PGM5: variants seen among roughly 807,000 people sequenced by gnomAD.
The protein encoded by PGM5 is phosphoglucomutase-like protein 5.
PGM5 carries 23 observed loss-of-function variants against 59.2 expected under a neutral mutation model. The ratio of observed to expected loss-of-function variants is 0.39; its 90% CI spans 0.28 to 0.55. PGM5 has a LOEUF of 0.55. Ranked by LOEUF, PGM5 falls within the 20% of genes least tolerant of loss-of-function variation. The pLI is 0.66. For synonymous variants in PGM5, 214 were observed against 286.0 expected (o/e 0.75, Z 2.54); for missense variants, 574 against 748.3 (o/e 0.77, Z 2.72).
At chr9:68,367,192 C>CT (rs201979587) in intron 1 of PGM5, among the ~76,000 whole-genome samples, 7,779 of 151,774 alleles carry the variant, frequency 0.051, 224 homozygotes, top group African/African-American at 0.072. Context: ...ACATAAAGGA[C>CT]TTTTTTGGTG....
rs551189786 is a variant in PGM5 at position 68,371,123 on chromosome 9, C to A, written c.262-7076C>A. 2.6e-5 allele frequency among the ~76,000 whole-genome samples: 4 copies of A among 152,246 alleles called. No homozygotes were observed. The East Asian group carries it at 5.8e-4, about 22-fold the overall frequency. ...TTCCGCGTGGGAGTTGAAGGAAATG[C>A]CCCTTAATGGCAGTAGCATCCACTT... On this transcript the variant is annotated intron_variant, in intron 1 of 10. Transcript: ENST00000396396.
At chr9:68,459,189 T>A (rs1554685186) in intron 6 of PGM5, among the ~76,000 whole-genome samples, 1 of 152,226 alleles carries the variant, frequency 6.6e-6, no homozygotes, top group Non-Finnish European at 1.5e-5. Context: ...GAGAGCTTTT[T>A]CTTTTAAATA....
At chr9:68,392,059 GAGAA>G (rs1346401928) in intron 5 of PGM5, among the ~76,000 whole-genome samples, 3 of 152,034 alleles carry the variant, frequency 2.0e-5, no homozygotes, top group East Asian at 3.9e-4. Flanking sequence ...TTATGTTTGG[GAGAA>G]AGAAAGAGTT....
At chr9:68,497,628 T>C (rs7875245) in intron 9 of PGM5, 2 of 152,084 alleles carry the variant, frequency 1.3e-5, no homozygotes, top group Admixed American at 1.3e-4. Flanking sequence ...ATATTTTTAC[T>C]AATGGCTTAT....
At chr9:68,492,034 G>A (rs1380534837) in intron 9 of PGM5, among the ~76,000 whole-genome samples, 1 of 152,190 alleles carries the variant, frequency 6.6e-6, no homozygotes, top group Non-Finnish European at 1.5e-5. Context: ...TAGCAAGCGT[G>A]TAAGCATTAT....
In PGM5 at chr9:68,384,494, G is replaced by A. The variant is rs143638400; in HGVS notation, c.521G>A (p.Arg174Gln). 3.8e-5 allele frequency: 61 copies of A among 1,610,420 alleles called. No homozygotes were observed. In the African/African-American group the frequency reaches 3.9e-4, roughly 10 times the overall value. Residue 174 changes from arginine (R) to glutamine (Q), a missense_variant, in exon 3 of 11, where the codon CGA becomes CAA. Arg to Gln is a conservative substitution (Grantham distance 43). Transcript: ENST00000396396. ...CCTGATCTCCGAATCGACCTATCTC[G>A]ACTAGGAAGACAAGAATTTGACCTA... ...ICPDLRIDLS[R>Q]LGRQEFDLEN...
intron 1 of PGM5, among the ~76,000 whole-genome samples, chr9:68,368,453 A>G (rs1834722735): frequency 6.6e-6 from 1 of 151,832 alleles, no homozygotes; most frequent in Admixed American, 6.6e-5. Context: ...ACAGATGGGG[A>G]CAATCAAAGA....
intron 6 of PGM5, among the ~76,000 whole-genome samples, chr9:68,459,060 G>A (rs1260284349): frequency 6.6e-6 from 1 of 152,126 alleles, no homozygotes; most frequent in Non-Finnish European, 1.5e-5. Flanking sequence ...TGTGTTTAAT[G>A]TCTGTTAGAC....
chr9:68,383,666 T>A (rs138979208), intron 2 of PGM5, among the ~76,000 whole-genome samples: 7,620 of 145,074 alleles, frequency 0.053, 367 homozygotes, highest in African/African-American at 0.18. Context: ...GATCTTTCAA[T>A]CTACTTATTT....
chr9:68,373,822 G>A (rs1821803885), intron 1 of PGM5, among the ~76,000 whole-genome samples: 1 of 152,208 alleles, frequency 6.6e-6, no homozygotes, highest in South Asian at 2.1e-4. Flanking sequence ...ATGGGATGGG[G>A]ACCCAGTTTC....
intron 6 of PGM5, chr9:68,399,067 G>A (rs1468038185): frequency 2.0e-5 from 3 of 152,246 alleles, no homozygotes; most frequent in African/African-American, 7.2e-5. Context: ...ATAAGAGATT[G>A]TATTTGATTT....
intron 6 of PGM5, among the ~76,000 whole-genome samples, 164 bp downstream of exon 6, chr9:68,392,637 C>T (rs1371628887): frequency 6.6e-6 from 1 of 152,084 alleles, no homozygotes; most frequent in Non-Finnish European, 1.5e-5. Flanking sequence ...ATCAGGTGGC[C>T]TGAGCTTAAT....
At chr9:68,480,924 A>G (rs1824187306) in intron 8 of PGM5, among the ~76,000 whole-genome samples, 1 of 152,160 alleles carries the variant, frequency 6.6e-6, no homozygotes, top group South Asian at 2.1e-4. Context: ...TGTGTACATA[A>G]CAAGAACGAA....
chr9:68,433,775 C>A (rs1421452066), intron 6 of PGM5, among the ~76,000 whole-genome samples: 1 of 152,200 alleles, frequency 6.6e-6, no homozygotes, highest in Non-Finnish European at 1.5e-5. Context: ...GTTTTGTTCA[C>A]TGAACCTTGT....
chr9:68,500,914 A>G (rs958182095), intron 10 of PGM5, among the ~76,000 whole-genome samples: 1 of 151,760 alleles, frequency 6.6e-6, no homozygotes, highest in Non-Finnish European at 1.5e-5. Flanking sequence ...CAACAATCCT[A>G]TACACACAAG....
At chr9:68,423,641 C>CTCTCTG (rs1554682502) in intron 6 of PGM5, among the ~76,000 whole-genome samples, 1 of 99,306 alleles carries the variant, frequency 1.0e-5, no homozygotes, top group African/African-American at 3.3e-5. Context: ...CTCTCTCTCT[C>CTCTCTG]TCTCTCTCTC....
At chr9:68,377,353 G>A (rs1392293805) in intron 1 of PGM5, among the ~76,000 whole-genome samples, 1 of 152,164 alleles carries the variant, frequency 6.6e-6, no homozygotes, top group Non-Finnish European at 1.5e-5. Flanking sequence ...AACTACTAAT[G>A]CTGGGCTCTC....
At chr9:68,463,010 T>C (rs367949946) in intron 6 of PGM5, among the ~76,000 whole-genome samples, 1 of 152,076 alleles carries the variant, frequency 6.6e-6, no homozygotes, top group African/African-American at 2.4e-5. Flanking sequence ...TCTTAAACCA[T>C]TGAAAAAGAG....
At chr9:68,500,450 C>T (rs1824553892) in intron 10 of PGM5, among the ~76,000 whole-genome samples, 1 of 151,860 alleles carries the variant, frequency 6.6e-6, no homozygotes, top group African/African-American at 2.4e-5. Context: ...ACAGGAGAGG[C>T]TGGAGGAGGC....
Sources: allele counts gnomAD v4.1 joint callset (sites outside exome capture counted in the v4.1 genomes callset), GRCh38; gene constraint gnomAD v4.1.1; transcripts MANE v1.5; gene names NCBI Gene and HGNC (gene_info 2026-07-23, HGNC 2026-07-21).